TTC6: variants seen among roughly 807,000 people sequenced by gnomAD.
TTC6 encodes the protein tetratricopeptide repeat domain 6, also known as tetratricopeptide repeat protein 6.
In TTC6, 172 loss-of-function variants were observed where a neutral mutation model predicts 210.4. The observed-to-expected ratio is 0.82, with a 90% CI of 0.72 to 0.93. The LOEUF is 0.93. Among genes scored for constraint, TTC6 ranks in the 40% least tolerant of loss-of-function variants. The pLI is 0.00. For synonymous variants in TTC6, 804 were observed against 819.6 expected (o/e 0.98, Z 0.32); for missense variants, 2,414 against 2,318.1 (o/e 1.04, Z -0.85).
chr14:37,830,170 G>C lies in TTC6; in HGVS notation c.5298+2804G>C, dbSNP rs189434072. On this transcript the variant is annotated intron_variant, in intron 29 of 30. Coordinates refer to ENST00000553443, the Ensembl canonical transcript of TTC6. ...TTCTTTCCTTGAGTGTCTTGTAAGT[G>C]CTGCTTTCTTTTCTGGTGGTATATG... Among the ~76,000 whole-genome samples the C allele has an allele frequency of 2.4e-4, 37 of 152,182 alleles. No homozygotes were observed. In the East Asian group the frequency reaches 7.0e-3, roughly 29 times the overall value.
At chr14:37,821,005 CTCTTCTTCTTCTTCTTCCTCTTCT>C (rs1430294912) in intron 26 of TTC6, among the ~76,000 whole-genome samples, 3 of 97,872 alleles carry the variant, frequency 3.1e-5, no homozygotes, top group South Asian at 4.8e-4. Context: ...CTTCCTCTTG[CTCTTCTTCTTCTTCTTCCTCTTCT>C]TCTTCTTCTT....
chr14:37,831,816 T>C (rs2096186053), intron 29 of TTC6, among the ~76,000 whole-genome samples: 1 of 152,140 alleles, frequency 6.6e-6, no homozygotes, highest in African/African-American at 2.4e-5. Context: ...GAGTTCTTTA[T>C]ATATTCTGGT....
At chr14:37,813,679 G>A (rs1455102274) in intron 25 of TTC6, among the ~76,000 whole-genome samples, 2 of 152,074 alleles carry the variant, frequency 1.3e-5, no homozygotes, top group Non-Finnish European at 2.9e-5. Flanking sequence ...GAACTCACTC[G>A]ATTCCAAATT....
intron 3 of TTC6, among the ~76,000 whole-genome samples, chr14:37,687,493 C>G (rs1566888211): frequency 6.6e-6 from 1 of 152,140 alleles, no homozygotes; most frequent in South Asian, 2.1e-4. Context: ...ACTGAGACAC[C>G]AGCCAGGGCA....
chr14:37,723,181 G>A (rs2095865190), intron 6 of TTC6, among the ~76,000 whole-genome samples: 2 of 151,748 alleles, frequency 1.3e-5, no homozygotes, highest in Non-Finnish European at 2.9e-5. Context: ...TTAATTTTTG[G>A]CAGTATTAGA....
chr14:37,804,658 C>G (rs373596542), intron 20 of TTC6, 22 bp from the exon 23 acceptor site: 230 of 1,604,608 alleles, frequency 1.4e-4, no homozygotes, highest in Non-Finnish European at 1.9e-4. Flanking sequence ...CTTGCCCCCT[C>G]CCTGCTTTTT....
intron 10 of TTC6, among the ~76,000 whole-genome samples, chr14:37,740,595 T>C (rs1028113502): frequency 4.6e-5 from 7 of 152,224 alleles, no homozygotes; most frequent in Non-Finnish European, 1.0e-4. Flanking sequence ...TAGTACTTCA[T>C]AAGTGTGAAT....
At chr14:37,715,365 G>A (rs2095850978) in intron 6 of TTC6, among the ~76,000 whole-genome samples, 1 of 152,056 alleles carries the variant, frequency 6.6e-6, no homozygotes, top group South Asian at 2.1e-4. Context: ...TTGGCAAAAG[G>A]CAGAAAGCTA....
rs148081295 is a variant in TTC6 at position 37,810,532 on chromosome 14, C to T, written c.4569+1686C>T. Among the ~76,000 whole-genome samples, 260 of 152,306 alleles carry T rather than the reference C, an allele frequency of 1.7e-3. 1 individual carries two copies. Among genetic ancestry groups the T allele is most frequent in the Non-Finnish European group, 3.1e-4 (21 of 68,030 alleles). On this transcript the variant is annotated intron_variant, in intron 24 of 30. Transcript: ENST00000553443. ...AGTAGGGAGAGGTTTGAAAACCCAT[C>T]CAAGTCACACAGAGAGAGTTAGTGA...
chr14:37,781,458 T>G (rs2096054562), intron 14 of TTC6, among the ~76,000 whole-genome samples: 1 of 152,120 alleles, frequency 6.6e-6, no homozygotes, highest in Non-Finnish European at 1.5e-5. Flanking sequence ...CCTTTGCCCA[T>G]TTTTTGATGG....
chr14:37,727,023 G>A (rs2095874357), intron 7 of TTC6, among the ~76,000 whole-genome samples: 1 of 150,818 alleles, frequency 6.6e-6, no homozygotes, highest in African/African-American at 2.4e-5. Context: ...CTTTCCCTAT[G>A]TTTGTCAGAC....
chr14:37,719,553 A>G (rs999724167), intron 6 of TTC6, among the ~76,000 whole-genome samples: 2 of 152,148 alleles, frequency 1.3e-5, no homozygotes, highest in Non-Finnish European at 2.9e-5. Context: ...ACTCCTACAG[A>G]TATGCACAAC....
chr14:37,783,122 A>G (rs940327196), intron 14 of TTC6, among the ~76,000 whole-genome samples: 3 of 152,170 alleles, frequency 2.0e-5, no homozygotes, highest in Non-Finnish European at 2.9e-5. Flanking sequence ...AGGCTTTGGT[A>G]TGAGGATGAT....
chr14:37,806,833 A>G (rs2096119472), intron 22 of TTC6, among the ~76,000 whole-genome samples: 1 of 152,164 alleles, frequency 6.6e-6, no homozygotes, highest in South Asian at 2.1e-4. Context: ...CTGCCTTTTA[A>G]TAGACTATAC....
chr14:37,629,220 G>C (rs1168406594), intron 1 of TTC6, among the ~76,000 whole-genome samples: 2 of 152,112 alleles, frequency 1.3e-5, no homozygotes, highest in African/African-American at 4.8e-5. Context: ...TCACGATATT[G>C]ATTCTTCCTA....
chr14:37,612,984 G>C (rs2095637055), intron 2 of TTC6, among the ~76,000 whole-genome samples: 1 of 151,938 alleles, frequency 6.6e-6, no homozygotes, highest in African/African-American at 2.4e-5. Context: ...TCTTTACCTT[G>C]CCATATTGCA....
intron 1 of TTC6, among the ~76,000 whole-genome samples, chr14:37,641,865 A>G (rs539868456): frequency 2.4e-4 from 37 of 152,340 alleles, no homozygotes; most frequent in Non-Finnish European, 3.7e-4. Context: ...ATAGATAACA[A>G]AACTGAGACC....
chr14:37,834,613 G>A (rs1195822063), intron 29 of TTC6, among the ~76,000 whole-genome samples: 8 of 151,696 alleles, frequency 5.3e-5, no homozygotes, highest in Non-Finnish European at 1.0e-4. Flanking sequence ...GTTTATCTGT[G>A]TTCTTTTGTT....
At chr14:37,815,102 G>A (rs1034116175) in intron 25 of TTC6, among the ~76,000 whole-genome samples, 1 of 152,108 alleles carries the variant, frequency 6.6e-6, no homozygotes, top group Non-Finnish European at 1.5e-5. Flanking sequence ...AATAAAAAAA[G>A]ATATAATGCT....
Sources: allele counts gnomAD v4.1 joint callset (sites outside exome capture counted in the v4.1 genomes callset), GRCh38; gene constraint gnomAD v4.1.1; transcripts MANE v1.5; gene names NCBI Gene and HGNC (gene_info 2026-07-23, HGNC 2026-07-21).